LIN52: variants seen among roughly 807,000 people sequenced by gnomAD.
The protein encoded by LIN52 is protein lin-52 homolog.
Under a neutral mutation model 18.5 loss-of-function variants are expected in LIN52, and 4 were observed. That is an observed-to-expected ratio of 0.22 (90% confidence interval 0.11 to 0.49). The LOEUF is 0.49. LIN52 is among the 20% of genes least tolerant of loss of function. The pLI is 0.97. For synonymous variants in LIN52, 34 were observed against 45.5 expected, an observed-to-expected ratio of 0.75 and a Z score of 1.02; for missense variants, 102 against 139.5, an observed-to-expected ratio of 0.73 and a Z score of 1.35.
At chr14:74,155,758 G>A (rs532292474) in intron 5 of LIN52, among the ~76,000 whole-genome samples, 1 of 152,204 alleles carries the variant, frequency 6.6e-6, no homozygotes, top group African/African-American at 2.4e-5. Flanking sequence ...AGGCTAGCTT[G>A]TGGGGTTTAC....
chr14:74,093,634 T>C lies in LIN52; in HGVS notation c.95-2314T>C, dbSNP rs151161920. On this transcript the variant is annotated intron_variant, in intron 2 of 5. Coordinates refer to ENST00000555028, the MANE Select transcript of LIN52 (RefSeq NM_001024674.3). ...AACCACTGCACCTGGCCCACTCTTA[T>C]AACGTTAACCACTGTTAATCGTACA... is the stretch of plus-strand genomic sequence containing the variant. Among the ~76,000 whole-genome samples the C allele has an allele frequency of 4.7e-3, 715 of 152,304 alleles. 3 individuals are homozygous for C. Among genetic ancestry groups the C allele is most frequent in the African/African-American group, 0.015 (603 of 41,564 alleles).
intron 5 of LIN52, among the ~76,000 whole-genome samples, chr14:74,189,846 T>C (rs968031596): frequency 6.6e-6 from 1 of 152,270 alleles, no homozygotes; most frequent in Non-Finnish European, 1.5e-5. Flanking sequence ...TTATTTTCCA[T>C]ATTGGAACTG....
At chr14:74,103,806 T>G (rs1005468066) in intron 5 of LIN52, among the ~76,000 whole-genome samples, 1 of 143,834 alleles carries the variant, frequency 7.0e-6, no homozygotes, top group Admixed American at 7.2e-5. Flanking sequence ...TAGGCTGGAC[T>G]TGAGTTCCTG....
rs568193045 is a variant in LIN52 at position 74,135,189 on chromosome 14, C to T, written c.283+33951C>T. On this transcript the variant is annotated intron_variant, in intron 5 of 5. Transcript: ENST00000555028. ...AAGCGATTCCCCTGGCTCAGCCTCC[C>T]GAGTAGCTGGTCCTACAGTCGCGTA... 2.0e-5 allele frequency among the ~76,000 whole-genome samples: 3 copies of T among 152,200 alleles called. No homozygotes were observed. In the East Asian group the frequency reaches 5.8e-4, roughly 29 times the overall value.
At chr14:74,131,447 T>C (rs573916527) in intron 5 of LIN52, among the ~76,000 whole-genome samples, 6 of 151,922 alleles carry the variant, frequency 3.9e-5, no homozygotes, top group African/African-American at 1.4e-4. Flanking sequence ...GCCTCCCGAG[T>C]AGCTGGGATT....
intron 1 of LIN52, among the ~76,000 whole-genome samples, chr14:74,087,911 A>AT (rs1269743396): frequency 2.0e-5 from 3 of 151,026 alleles, no homozygotes; most frequent in Non-Finnish European, 3.0e-5. Context: ...ACCCCCAATA[A>AT]TTTTTTTTTA....
chr14:74,194,918 G>A (rs2139598313), intron 5 of LIN52, among the ~76,000 whole-genome samples: 1 of 152,342 alleles, frequency 6.6e-6, no homozygotes, highest in Admixed American at 6.5e-5. Context: ...GCCAAGGCGG[G>A]CAGATCAACT....
intron 5 of LIN52, among the ~76,000 whole-genome samples, chr14:74,111,304 T>G (rs1032822870): frequency 6.6e-6 from 1 of 152,094 alleles, no homozygotes; most frequent in Admixed American, 6.5e-5. Context: ...ACCTTTTTGT[T>G]TTTTTGGAGA....
chr14:74,189,025 G>C (rs575171315), intron 5 of LIN52, among the ~76,000 whole-genome samples: 2 of 152,242 alleles, frequency 1.3e-5, no homozygotes, highest in South Asian at 2.1e-4. Context: ...TGAATATGCA[G>C]GTCATTTGAA....
intron 5 of LIN52, among the ~76,000 whole-genome samples, chr14:74,130,278 G>GTTTTTTTTTTTTTTTTTTGT (rs2061055935): frequency 1.5e-5 from 1 of 64,842 alleles, no homozygotes; most frequent in African/African-American, 6.3e-5. Flanking sequence ...GCATTTTTTG[G>GTTTTTTTTTTTTTTTTTTGT]TTTTTTTTTT....
chr14:74,103,847 T>G (rs1486846205), intron 5 of LIN52, among the ~76,000 whole-genome samples: 4 of 147,318 alleles, frequency 2.7e-5, no homozygotes, highest in Non-Finnish European at 6.0e-5. Flanking sequence ...CTCAGCCTTC[T>G]GAGTAGCTGA....
intron 5 of LIN52, among the ~76,000 whole-genome samples, chr14:74,137,496 C>CTTTTT (rs1409995305): frequency 2.1e-4 from 18 of 85,508 alleles, no homozygotes; most frequent in African/African-American, 8.8e-4. Context: ...CACAGCAGCT[C>CTTTTT]TCTTTTTTTT....
intron 5 of LIN52, among the ~76,000 whole-genome samples, chr14:74,115,459 G>C (rs2300189): frequency 0.22 from 34,165 of 152,036 alleles, 4,162 homozygotes; most frequent in South Asian, 0.46. Context: ...GAACTTGATT[G>C]AAAAGCACCC....
At chr14:74,193,287 G>A (rs2078891281) in intron 5 of LIN52, among the ~76,000 whole-genome samples, 1 of 151,238 alleles carries the variant, frequency 6.6e-6, no homozygotes, top group South Asian at 2.1e-4. Context: ...GGTATTGCAT[G>A]CCTGTAGTCA....
At chr14:74,099,949 T>C (rs1210574340) in intron 4 of LIN52, among the ~76,000 whole-genome samples, 1 of 152,256 alleles carries the variant, frequency 6.6e-6, no homozygotes, top group East Asian at 1.9e-4. Flanking sequence ...AGATCTGACC[T>C]AACCAACTCC....
intron 2 of LIN52, 26 bp downstream of exon 2, chr14:74,091,332 G>C: frequency 7.0e-7 from 1 of 1,432,094 alleles, no homozygotes; most frequent in Non-Finnish European, 9.8e-7. Flanking sequence ...CTTTATATCA[G>C]AGTCAATGCA....
rs572014926 is a variant in LIN52 at position 74,129,365 on chromosome 14, A to G, written c.283+28127A>G. On this transcript the variant is annotated intron_variant, in intron 5 of 5. Coordinates refer to ENST00000555028, the MANE Select transcript of LIN52 (RefSeq NM_001024674.3). ...GGGCGCAGGTGAATCAAATATAAGT[A>G]AGGTTTCTGAGAGGGTTTGAAGGCA... Among the ~76,000 whole-genome samples the G allele has an allele frequency of 2.9e-3, 445 of 152,300 alleles. 1 individual carries two copies. The highest frequency in any genetic ancestry group is 0.01 in the African/African-American group (429 of 41,560).
At chr14:74,142,594 T>C (rs2061136158) in intron 5 of LIN52, among the ~76,000 whole-genome samples, 1 of 151,658 alleles carries the variant, frequency 6.6e-6, no homozygotes, top group African/African-American at 2.4e-5. Context: ...ATCTAATTCC[T>C]CAGTCACTCT....
chr14:74,139,502 G>A (rs1445419428), intron 5 of LIN52, among the ~76,000 whole-genome samples: 1 of 152,158 alleles, frequency 6.6e-6, no homozygotes, highest in African/African-American at 2.4e-5. Flanking sequence ...GTGACTGCGT[G>A]CCCAACATCT....
Sources: allele counts gnomAD v4.1 joint callset (sites outside exome capture counted in the v4.1 genomes callset), GRCh38; gene constraint gnomAD v4.1.1; transcripts MANE v1.5; gene names NCBI Gene and HGNC (gene_info 2026-07-23, HGNC 2026-07-21).